SLAMF1: variants seen among roughly 807,000 people sequenced by gnomAD.
SLAMF1 encodes signaling lymphocytic activation molecule.
Under a neutral mutation model 35.1 loss-of-function variants are expected in SLAMF1, and 18 were observed. That is an observed-to-expected ratio of 0.51 (90% CI 0.35 to 0.76). SLAMF1 has a LOEUF of 0.76. SLAMF1 is among the 30% of genes least tolerant of loss of function. SLAMF1 has a pLI of 0.01. For synonymous variants in SLAMF1, 168 were observed against 157.2 expected (o/e 1.07, Z -0.51); for missense variants, 392 against 413.0 (o/e 0.95, Z 0.44).
At chr1:160,631,128 T>C (rs1183650980) in intron 3 of SLAMF1, among the ~76,000 whole-genome samples, 6 of 152,266 alleles carry the variant, frequency 3.9e-5, no homozygotes, top group Non-Finnish European at 5.9e-5. Context: ...AGAGTGTAAA[T>C]GTTTTGTCAA....
At chr1:160,643,299 C>T (rs60130645) in intron 1 of SLAMF1, among the ~76,000 whole-genome samples, 8,267 of 152,186 alleles carry the variant, frequency 0.054, 364 homozygotes, top group East Asian at 0.25. Context: ...GACTTGACTC[C>T]AAGTTCTGGG....
At chr1:160,632,721 A>G (rs1660226637) in intron 3 of SLAMF1, among the ~76,000 whole-genome samples, 1 of 152,134 alleles carries the variant, frequency 6.6e-6, no homozygotes. Context: ...GGCTGTGCTG[A>G]GGTAAGGGCT....
At chr1:160,621,251 C>T (rs1022018577) in intron 4 of SLAMF1, among the ~76,000 whole-genome samples, 2 of 152,112 alleles carry the variant, frequency 1.3e-5, no homozygotes. Flanking sequence ...TATTTTAACA[C>T]CAGTTAATTT....
chr1:160,625,371 A>C (rs993788235), intron 3 of SLAMF1, among the ~76,000 whole-genome samples: 1 of 152,192 alleles, frequency 6.6e-6, no homozygotes, highest in Non-Finnish European at 1.5e-5. Flanking sequence ...TTGAAAGAAA[A>C]ATAGTCGGGT....
intron 4 of SLAMF1, chr1:160,623,432 A>T (rs1228309190): frequency 2.5e-6 from 1 of 397,858 alleles, no homozygotes; most frequent in Non-Finnish European, 4.4e-6. Context: ...TTGTGTGTAG[A>T]TGACACTGAT....
rs769003368 is a variant in SLAMF1 at position 160,642,275 on chromosome 1, G to A, written c.76+4595C>T. Among the ~76,000 whole-genome samples, 2 of 152,096 alleles carry A rather than the reference G, an allele frequency of 1.3e-5. No individual in the cohort carries two copies. The highest frequency in any genetic ancestry group is 2.9e-5 in the Non-Finnish European group (2 of 68,016). ...TCTATCTTAGACTATTAGTATGTAC[G>A]TTCCCTAGCCTTAGAGGCTATAACC... On this transcript the variant is annotated intron_variant, in intron 1 of 6. Coordinates refer to ENST00000302035, the MANE Select transcript of SLAMF1 (RefSeq NM_003037.5). The surrounding 1 kb of genome is among the most constrained non-coding windows in gnomAD (Gnocchi z 4.2).
At position 160,612,493 on chromosome 1, in the gene SLAMF1, C is replaced by G. The variant is rs758267823; in HGVS notation, c.952G>C (p.Val318Leu). Residue 318 changes from valine (V) to leucine (L), a missense_variant, in exon 6 of 7, where the codon GTC becomes CTC. Transcript: ENST00000302035. ...VAATEPVPES[V>L]QETNSITVYA... ...TAGGCAGAGAGATGCCTCACCTGGA[C>G]AGACTCTGGGACAGGCTCTGTGGCA... The G allele has an allele frequency of 6.2e-6, 10 of 1,607,026 alleles. No individual in the cohort carries two copies. The African/African-American group carries it at 1.1e-4, about 17-fold the overall frequency.
intron 1 of SLAMF1, among the ~76,000 whole-genome samples, chr1:160,640,823 A>T (rs1017209235): frequency 6.6e-5 from 10 of 152,198 alleles, no homozygotes; most frequent in Admixed American, 2.0e-4. Flanking sequence ...GTCTTTTAAA[A>T]TATTGCGAAT....
chr1:160,624,257 G>A, intron 3 of SLAMF1, 72 bp from the exon 4 acceptor site: 2 of 1,034,440 alleles, frequency 1.9e-6, no homozygotes, highest in Non-Finnish European at 3.0e-6. Flanking sequence ...CATGAAAGTG[G>A]GATAATGGAG....
At chr1:160,612,717 C>G (rs765849295) in intron 5 of SLAMF1, 137 bp from the exon 6 acceptor site, 21 of 592,982 alleles carry the variant, frequency 3.5e-5, no homozygotes, top group Non-Finnish European at 5.8e-5. Flanking sequence ...ACCTCCTTCT[C>G]AGGTGGGAAT....
chr1:160,639,976 C>A (rs2102355775), intron 1 of SLAMF1, among the ~76,000 whole-genome samples: 1 of 152,172 alleles, frequency 6.6e-6, no homozygotes, highest in East Asian at 1.9e-4. Context: ...CCCTTCCATA[C>A]CTGGGTAGCT....
intron 3 of SLAMF1, among the ~76,000 whole-genome samples, chr1:160,627,902 T>C (rs2102313037): frequency 6.6e-6 from 1 of 152,282 alleles, no homozygotes; most frequent in South Asian, 2.1e-4. Flanking sequence ...GTGGAGATAA[T>C]TGAATCATGG....
At chr1:160,621,855 C>CGTGTGTGTGTGTGTGTGTGT (rs59676823) in intron 4 of SLAMF1, among the ~76,000 whole-genome samples, 42 of 145,296 alleles carry the variant, frequency 2.9e-4, no homozygotes, top group African/African-American at 1.1e-3. Flanking sequence ...TGCGTGAGTG[C>CGTGTGTGTGTGTGTGTGTGT]GTGTGTGTGT....
rs556474468 is a variant in SLAMF1 at position 160,642,131 on chromosome 1, C to G, written c.77-4602G>C. Among the ~76,000 whole-genome samples the G allele has an allele frequency of 6.6e-6, 1 of 152,256 alleles. No homozygotes were observed. Among genetic ancestry groups the G allele is most frequent in the South Asian group, 2.1e-4 (1 of 4,828 alleles). On this transcript the variant is annotated intron_variant, in intron 1 of 6. Transcript: ENST00000302035. This position sits in a 1 kb window ranked among gnomAD's most constrained non-coding sequence, Gnocchi z 4.2. ...CAGAAGGAACAGAACTTACAGACCCCACAGTTCTTTTGGTAAATTTAGGCT... is the reference window on the plus strand; with the variant it reads ...CAGAAGGAACAGAACTTACAGACCCGACAGTTCTTTTGGTAAATTTAGGCT...
intron 5 of SLAMF1, among the ~76,000 whole-genome samples, chr1:160,619,080 C>T (rs1267246781): frequency 1.3e-5 from 2 of 152,142 alleles, no homozygotes; most frequent in Non-Finnish European, 2.9e-5. Flanking sequence ...CAAGAATTTG[C>T]CTCTACCTAC....
intron 1 of SLAMF1, among the ~76,000 whole-genome samples, chr1:160,640,087 C>CT (rs1011852506): frequency 4.6e-5 from 7 of 152,128 alleles, no homozygotes; most frequent in African/African-American, 1.7e-4. Flanking sequence ...TCTTTCTGCA[C>CT]TTATCACTGC....
chr1:160,614,050 A>G (rs1659152754), intron 5 of SLAMF1, among the ~76,000 whole-genome samples: 1 of 152,220 alleles, frequency 6.6e-6, no homozygotes, highest in Non-Finnish European at 1.5e-5. Flanking sequence ...CATTTCTAAT[A>G]AAGTCCCAGG....
At chr1:160,621,169 T>A (rs1659590753) in intron 4 of SLAMF1, among the ~76,000 whole-genome samples, 1 of 152,210 alleles carries the variant, frequency 6.6e-6, no homozygotes, top group African/African-American at 2.4e-5. Flanking sequence ...AGGTTTATTA[T>A]GGGATTATTG....
chr1:160,636,580 A>C (rs1413133988), intron 2 of SLAMF1, among the ~76,000 whole-genome samples: 1 of 152,244 alleles, frequency 6.6e-6, no homozygotes, highest in African/African-American at 2.4e-5. Flanking sequence ...CTTGGTTCCT[A>C]GTTTAAGTAC....
Sources: gnomAD v4.1 joint callset for allele counts (sites outside exome capture counted in the v4.1 genomes callset) on GRCh38, gnomAD v4.1.1 for gene constraint, Gnocchi (gnomAD v3.1) non-coding constraint, MANE v1.5 for transcripts, NCBI Gene and HGNC (gene_info 2026-07-23, HGNC 2026-07-21) for gene names.